CEP85L: variants seen among roughly 807,000 people sequenced by gnomAD.
CEP85L encodes the protein centrosomal protein 85L.
Under a neutral mutation model 100.3 loss-of-function variants are expected in CEP85L, and 60 were observed. The ratio of observed to expected loss-of-function variants is 0.60; its 90% CI spans 0.49 to 0.74. CEP85L has a LOEUF of 0.74. Ranked by LOEUF, CEP85L falls within the 30% of genes least tolerant of loss-of-function variation. The pLI is 0.00. For synonymous variants in CEP85L, 319 were observed against 322.7 expected (o/e 0.99, Z 0.12); for missense variants, 973 against 936.2 (o/e 1.04, Z -0.51).
chr6:118,629,016 A>T (rs761920723), intron 2 of CEP85L, among the ~76,000 whole-genome samples: 1 of 152,172 alleles, frequency 6.6e-6, no homozygotes, highest in Non-Finnish European at 1.5e-5. Flanking sequence ...GACTCAACCA[A>T]CCGTGGATCA....
At chr6:118,612,696 T>C in intron 2 of CEP85L, among the ~76,000 whole-genome samples, 3 of 105,360 alleles carry the variant, frequency 2.8e-5, no homozygotes, top group African/African-American at 3.5e-5. Context: ...GGGGGGGGAC[T>C]CTCAAATCAG....
At chr6:118,514,299 T>G (rs1414635637) in intron 4 of CEP85L, among the ~76,000 whole-genome samples, 1 of 151,674 alleles carries the variant, frequency 6.6e-6, no homozygotes, top group Non-Finnish European at 1.5e-5. Context: ...CTGAGGCAGG[T>G]GGATCACTTG....
intron 1 of CEP85L, among the ~76,000 whole-genome samples, chr6:118,638,973 TAAATTGAAGAAAATAA>T (rs1045541168): frequency 2.0e-5 from 3 of 152,152 alleles, no homozygotes; most frequent in Admixed American, 2.0e-4. Flanking sequence ...ATGACAGCTC[TAAATTGAAGAAAATAA>T]AAATAACACT....
At chr6:118,487,179 T>A (rs1445264614) in intron 6 of CEP85L, among the ~76,000 whole-genome samples, 1 of 152,114 alleles carries the variant, frequency 6.6e-6, no homozygotes, top group Non-Finnish European at 1.5e-5. Context: ...TAGCCAAGTA[T>A]TTACCATGCA....
At chr6:118,545,062 T>C (rs1213169619) in intron 3 of CEP85L, among the ~76,000 whole-genome samples, 1 of 152,176 alleles carries the variant, frequency 6.6e-6, no homozygotes, top group Non-Finnish European at 1.5e-5. Flanking sequence ...CTCCTTATCT[T>C]TGATGTATTG....
At chr6:118,697,728 C>T (rs1012728532) in intron 1 of CEP85L, among the ~76,000 whole-genome samples, 1 of 152,198 alleles carries the variant, frequency 6.6e-6, no homozygotes, top group Non-Finnish European at 1.5e-5. Flanking sequence ...AACTTGAGCT[C>T]TCAGGACATG....
intron 1 of CEP85L, among the ~76,000 whole-genome samples, chr6:118,657,732 GC>G (rs5879464): frequency 0.37 from 56,453 of 151,988 alleles, 11,152 homozygotes; most frequent in Non-Finnish European, 0.46. Context: ...GGGAGCTACT[GC>G]CCCCCAATTA....
chr6:118,626,947 C>T (rs1277336420), intron 2 of CEP85L, among the ~76,000 whole-genome samples: 1 of 152,110 alleles, frequency 6.6e-6, no homozygotes, highest in African/African-American at 2.4e-5. Flanking sequence ...TGCCTGTAAT[C>T]CCAGCAGTTT....
chr6:118,565,250 A>C (rs956147732), intron 3 of CEP85L: 2 of 393,648 alleles, frequency 5.1e-6, no homozygotes, highest in Non-Finnish European at 9.1e-6. Context: ...AAGTTTATTT[A>C]GATTGAGTAT....
rs1364004321 is a variant in CEP85L at position 118,530,397 on chromosome 6, A to C, written c.1021-6477T>G. On this transcript the variant is annotated intron_variant, in intron 3 of 12. Coordinates refer to ENST00000368491, the MANE Select transcript of CEP85L (RefSeq NM_001042475.3). ...AGAGCCATGTATGGAAAAAAAAAAAAAACACAGCCAAGATCATACTGAATG... is the reference window on the plus strand; with the variant it reads ...AGAGCCATGTATGGAAAAAAAAAAACAACACAGCCAAGATCATACTGAATG... Among the ~76,000 whole-genome samples the C allele has an allele frequency of 3.9e-5, 6 of 152,026 alleles. No homozygotes were observed. The South Asian group carries it at 8.3e-4, about 21-fold the overall frequency.
At chr6:118,560,409 T>C (rs962853793) in intron 3 of CEP85L, 1 of 167,010 alleles carries the variant, frequency 6.0e-6, no homozygotes, top group African/African-American at 2.4e-5. Context: ...ATTCATTAAA[T>C]GGAAGTGGGT....
chr6:118,598,135 A>G (rs577575556), intron 2 of CEP85L, among the ~76,000 whole-genome samples: 2 of 152,338 alleles, frequency 1.3e-5, no homozygotes, highest in South Asian at 2.1e-4. Context: ...CTGTTCTTCA[A>G]CTTCTCAATC....
At chr6:118,694,331 C>A (rs1777136305) in intron 1 of CEP85L, among the ~76,000 whole-genome samples, 1 of 151,916 alleles carries the variant, frequency 6.6e-6, no homozygotes. Context: ...AATTCATTAC[C>A]ACCACTTAAT....
chr6:118,584,161 A>C (rs9489451), intron 2 of CEP85L, among the ~76,000 whole-genome samples: 4,402 of 152,214 alleles, frequency 0.029, 104 homozygotes, highest in African/African-American at 0.056. Context: ...TATGTGCCCC[A>C]ACTGAGGATG....
chr6:118,690,928 G>A (rs566171360), intron 1 of CEP85L, among the ~76,000 whole-genome samples: 1 of 152,046 alleles, frequency 6.6e-6, no homozygotes, highest in East Asian at 1.9e-4. Flanking sequence ...AGCCTGGGAG[G>A]TAGAGGCTAG....
intron 3 of CEP85L, among the ~76,000 whole-genome samples, chr6:118,543,802 A>C (rs1438377322): frequency 6.6e-6 from 1 of 152,246 alleles, no homozygotes; most frequent in Non-Finnish European, 1.5e-5. Flanking sequence ...TCGAAAGAGA[A>C]ATCAATAAAA....
chr6:118,499,261 A>G (rs148639440), intron 5 of CEP85L, among the ~76,000 whole-genome samples: 6 of 152,362 alleles, frequency 3.9e-5, no homozygotes. Context: ...CTAAAAGTTC[A>G]ATGTTTGAAA....
chr6:118,519,566 GTGTGTGTGTGTGTGT>G (rs1562223336), intron 4 of CEP85L, among the ~76,000 whole-genome samples: 1 of 10,780 alleles, frequency 9.3e-5, no homozygotes, highest in Non-Finnish European at 3.7e-4. Flanking sequence ...GTGTGTGTGT[GTGTGTGTGTGTGTGT>G]GGCGGGGGGG....
At chr6:118,541,610 G>A (rs1241720327) in intron 3 of CEP85L, among the ~76,000 whole-genome samples, 1 of 152,126 alleles carries the variant, frequency 6.6e-6, no homozygotes, top group Non-Finnish European at 1.5e-5. Context: ...AAGCATAGAA[G>A]CCATTATGTT....
Sources: gnomAD v4.1 joint callset for allele counts (sites outside exome capture counted in the v4.1 genomes callset) on GRCh38, gnomAD v4.1.1 for gene constraint, MANE v1.5 for transcripts, NCBI Gene and HGNC (gene_info 2026-07-23, HGNC 2026-07-21) for gene names.